RGS10: variants seen among roughly 807,000 people sequenced by gnomAD.
The protein encoded by RGS10 is regulator of G protein signaling 10, also known as regulator of G-protein signalling 10.
In RGS10, 11 loss-of-function variants were observed where a neutral mutation model predicts 23.5. The ratio of observed to expected loss-of-function variants is 0.47; its 90% confidence interval spans 0.29 to 0.77. RGS10 has a LOEUF of 0.77. RGS10 is among the 30% of genes least tolerant of loss of function. The pLI, the probability that RGS10 is intolerant of heterozygous loss-of-function variation, is 0.08. For missense variants in RGS10, 180 were observed against 226.3 expected, an observed-to-expected ratio of 0.80 and a Z score of 1.31; for synonymous variants, 77 against 83.2, an observed-to-expected ratio of 0.92 and a Z score of 0.41.
chr10:119,509,643 G>T (rs1157258476), intron 4 of RGS10, among the ~76,000 whole-genome samples: 2 of 152,156 alleles, frequency 1.3e-5, no homozygotes, highest in East Asian at 3.9e-4. Flanking sequence ...GCAGCAGGGG[G>T]AGTCAGATCT....
chr10:119,520,873 G>A (rs1844205003), intron 3 of RGS10, among the ~76,000 whole-genome samples: 1 of 151,508 alleles, frequency 6.6e-6, no homozygotes, highest in Non-Finnish European at 1.5e-5. Flanking sequence ...TCAATGCAGG[G>A]CGTGAAAGGT....
At position 119,538,824 on chromosome 10, in the gene RGS10, A is replaced by G. The variant is rs1329741915; in HGVS notation, c.49+3766T>C. ...CCGCAGGCTGCTGCAGCAAAGAACT[A>G]TCTGGGGGAAGCAGAAGAAACTTGG... On this transcript the variant is annotated intron_variant, in intron 1 of 4. Coordinates refer to ENST00000369103, the MANE Select transcript of RGS10 (RefSeq NM_001005339.2). The surrounding 1 kb of genome is among the most constrained non-coding windows in gnomAD (Gnocchi z 4.5). 6.6e-6 allele frequency among the ~76,000 whole-genome samples: 1 copy of G among 152,134 alleles called. No individual in the cohort carries two copies. The highest frequency in any genetic ancestry group is 1.5e-5 in the Non-Finnish European group (1 of 68,010).
Position 119,517,320 on chromosome 10 carries a change from T to C in RGS10, c.256-1668A>G, listed in dbSNP as rs922276623. 1.5e-4 allele frequency among the ~76,000 whole-genome samples: 23 copies of C among 150,662 alleles called. No homozygotes were observed. Among genetic ancestry groups the C allele is most frequent in the African/African-American group, 5.3e-4 (22 of 41,258 alleles). On this transcript the variant is annotated intron_variant, in intron 3 of 4. Coordinates refer to ENST00000369103, the MANE Select transcript of RGS10 (RefSeq NM_001005339.2). The surrounding 1 kb of genome is among the most constrained non-coding windows in gnomAD (Gnocchi z 5.0). ...ACCGAAAGCCATGCTGTCCACCCTG[T>C]CTTCACTGTCAATAGGAGCAATGAA... is the stretch of plus-strand genomic sequence containing the variant.
intron 4 of RGS10, among the ~76,000 whole-genome samples, chr10:119,504,773 G>C (rs932795823): frequency 6.6e-6 from 1 of 152,116 alleles, no homozygotes; most frequent in Non-Finnish European, 1.5e-5. Flanking sequence ...GCCAAGGAGC[G>C]CTAAGGAGTG....
In RGS10 at chr10:119,507,042, C is replaced by T. The variant is rs905038563; in HGVS notation, c.400-6783G>A. Among the ~76,000 whole-genome samples, 6 of 152,174 alleles carry T rather than the reference C, an allele frequency of 3.9e-5. No individual in the cohort carries two copies. In the South Asian group the frequency reaches 6.2e-4, roughly 16 times the overall value. On this transcript the variant is annotated intron_variant, in intron 4 of 4. Coordinates refer to ENST00000369103, the MANE Select transcript of RGS10 (RefSeq NM_001005339.2). ...TTGCAAGAAACATCTCAAAGTATCT[C>T]GAATACTGCCCTTCCCATCCTGACC...
At chr10:119,529,133 G>A (rs1290553793) in intron 1 of RGS10, among the ~76,000 whole-genome samples, 1 of 152,178 alleles carries the variant, frequency 6.6e-6, no homozygotes, top group Non-Finnish European at 1.5e-5. Context: ...ACCATGGAAT[G>A]TCACTTCAGA....
intron 3 of RGS10, among the ~76,000 whole-genome samples, chr10:119,520,957 A>C (rs572919446): frequency 6.6e-6 from 1 of 152,370 alleles, no homozygotes; most frequent in Non-Finnish European, 1.5e-5. Flanking sequence ...TAACAACATA[A>C]GACCATTTCC....
In RGS10 at chr10:119,522,056, C is replaced by G. The variant is rs190472412; in HGVS notation, c.255+3976G>C. Among the ~76,000 whole-genome samples the G allele has an allele frequency of 2.5e-4, 38 of 152,242 alleles. No individual in the cohort carries two copies. The East Asian group carries it at 7.1e-3, about 29-fold the overall frequency. ...ACTCAGGAGAGAAGAGGACTTGGAT[C>G]CAGGAAATGGAATGCCTTCATCCTA... On this transcript the variant is annotated intron_variant, in intron 3 of 4. Transcript: ENST00000369103.
chr10:119,532,820 G>A (rs1844344942), intron 1 of RGS10, among the ~76,000 whole-genome samples: 2 of 152,046 alleles, frequency 1.3e-5, no homozygotes, highest in South Asian at 4.1e-4. Context: ...CAGCCTGGGT[G>A]ACAGGGCAAG....
In RGS10 at chr10:119,502,571, G is replaced by A. The variant is rs553141708; in HGVS notation, c.400-2312C>T. ...TTCAAAGTAGAGAAGAAAAAAGGCC[G>A]GTGCTGGGGGCACCCAGGGCAGAGG... On this transcript the variant is annotated intron_variant, in intron 4 of 4. Coordinates refer to ENST00000369103, the MANE Select transcript of RGS10 (RefSeq NM_001005339.2). Among the ~76,000 whole-genome samples the A allele has an allele frequency of 2.2e-4, 33 of 152,264 alleles. No homozygotes were observed. In the South Asian group the frequency reaches 2.5e-3, roughly 12 times the overall value.
rs1390928974 is a variant in RGS10 at position 119,499,903 on chromosome 10, T to A, written c.*210A>T. On this transcript the variant is annotated 3_prime_UTR_variant, in exon 5 of 5. Coordinates refer to ENST00000369103, the MANE Select transcript of RGS10 (RefSeq NM_001005339.2). Reference sequence around the variant, plus strand: ...TTGAAGGAATCTCTGTTTTGTAAACTAAAACTTCCAAGTTATTATTATTCT... The same window carrying A: ...TTGAAGGAATCTCTGTTTTGTAAACAAAAACTTCCAAGTTATTATTATTCT... The A allele has an allele frequency of 1.9e-6, 1 of 514,924 alleles. No homozygotes were observed. Among genetic ancestry groups the A allele is most frequent in the East Asian group, 3.3e-5 (1 of 30,074 alleles). 31.9% of individuals were successfully genotyped at this position (514,924 alleles called of 1,614,324 possible).
At chr10:119,537,618 C>T (rs371996016) in intron 1 of RGS10, among the ~76,000 whole-genome samples, 4 of 152,184 alleles carry the variant, frequency 2.6e-5, no homozygotes, top group African/African-American at 9.6e-5. Context: ...AGAAAGATGC[C>T]AGAAATGAAA....
Position 119,500,238 on chromosome 10 carries a change from C to T in RGS10, c.421G>A (p.Asp141Asn), listed in dbSNP as rs761830249. Reference sequence around the variant, plus strand: ...GACTTTAAGAAGCGGCTGTAGCTGTCGTACTTCATGAGATTAAAGATCTAA... The same window carrying T: ...GACTTTAAGAAGCGGCTGTAGCTGTTGTACTTCATGAGATTAAAGATCTAA... The part of the protein sequence containing the change: ...QDQIFNLMKY[D>N]SYSRFLKSDL... The change falls in exon 5 of 5, where the codon GAC (aspartate) becomes AAC (asparagine). Residue 141 changes from aspartate (D) to asparagine (N), a missense_variant. By Grantham distance (23) the Asp-to-Asn change is conservative (BLOSUM62 1). Transcript: ENST00000369103. 6.8e-6 allele frequency: 11 copies of T among 1,612,622 alleles called. No homozygotes were observed. Among genetic ancestry groups the T allele is most frequent in the Middle Eastern group, 1.6e-4 (1 of 6,078 alleles).
Position 119,527,203 on chromosome 10 carries a change from G to T in RGS10, c.168+103C>A, listed in dbSNP as rs1178923269. 1 of 765,238 alleles carries T rather than the reference G, an allele frequency of 1.3e-6. No homozygotes were observed. The highest frequency in any genetic ancestry group is 2.2e-6 in the Non-Finnish European group (1 of 451,060). 47.4% of individuals were successfully genotyped at this position (765,238 alleles called of 1,614,324 possible). ...GAACTCTCAAGCTGGCATAGAGAGTGCTACGCTGACAGACAATGTTGAACT... is the reference window on the plus strand; with the variant it reads ...GAACTCTCAAGCTGGCATAGAGAGTTCTACGCTGACAGACAATGTTGAACT... On this transcript the variant is annotated intron_variant, in intron 2 of 4. Transcript: ENST00000369103. The surrounding 1 kb of genome is among the most constrained non-coding windows in gnomAD (Gnocchi z 4.2).
At chr10:119,536,352 C>G (rs1348760724) in intron 1 of RGS10, 4 of 931,112 alleles carry the variant, frequency 4.3e-6, no homozygotes, top group Admixed American at 4.6e-5. Context: ...CTTCCACAGT[C>G]ACCTGTGCAC....
At position 119,517,347 on chromosome 10, in the gene RGS10, C is replaced by T. The variant is rs1429973631; in HGVS notation, c.256-1695G>A. ...TTCACTGTCAATAGGAGCAATGAAT[C>T]GATGCCAGACTCAGTGACACAGGAG... On this transcript the variant is annotated intron_variant, in intron 3 of 4. Coordinates refer to ENST00000369103, the MANE Select transcript of RGS10 (RefSeq NM_001005339.2). This position sits in a 1 kb window ranked among gnomAD's most constrained non-coding sequence, Gnocchi z 5.0. 6.6e-6 allele frequency among the ~76,000 whole-genome samples: 1 copy of T among 152,174 alleles called. No individual in the cohort carries two copies. The highest frequency in any genetic ancestry group is 1.5e-5 in the Non-Finnish European group (1 of 68,040).
At chr10:119,503,339 CAAA>C (rs550253387) in intron 4 of RGS10, among the ~76,000 whole-genome samples, 26 of 103,422 alleles carry the variant, frequency 2.5e-4, no homozygotes, top group Non-Finnish European at 2.5e-4. Context: ...GACCCTGTCT[CAAA>C]AAAAAAAAAA....
intron 3 of RGS10, among the ~76,000 whole-genome samples, chr10:119,522,308 G>A (rs984672751): frequency 2.0e-5 from 3 of 151,918 alleles, no homozygotes; most frequent in Non-Finnish European, 4.4e-5. Context: ...GATTTGTATC[G>A]ACTCCTCAAC....
At chr10:119,541,999 G>A (rs939346988) in intron 1 of RGS10, among the ~76,000 whole-genome samples, 1 of 152,220 alleles carries the variant, frequency 6.6e-6, no homozygotes, top group African/African-American at 2.4e-5. Context: ...CCAAAGTGAC[G>A]GCCAAGGCGA....
Sources: allele counts gnomAD v4.1 joint callset (sites outside exome capture counted in the v4.1 genomes callset), GRCh38; gene constraint gnomAD v4.1.1; non-coding constraint Gnocchi (gnomAD v3.1); transcripts MANE v1.5; gene names NCBI Gene and HGNC (gene_info 2026-07-23, HGNC 2026-07-21).